The following HSD17B12 variants were observed in gnomAD, a reference collection of about 807,000 sequenced individuals.
HSD17B12 encodes the protein very-long-chain 3-oxoacyl-CoA reductase.
In HSD17B12, 32 loss-of-function variants were observed where a neutral mutation model predicts 39.3. The observed-to-expected ratio is 0.81, with a 90% CI of 0.61 to 1.09. The LOEUF (loss-of-function observed/expected upper bound fraction) is 1.09, where lower values mean the gene tolerates loss of function less well. Among genes scored for constraint, HSD17B12 ranks in the 50% least tolerant of loss-of-function variants. The pLI is 0.00. For missense variants in HSD17B12, 342 were observed against 382.9 expected, an observed-to-expected ratio of 0.89 and a Z score of 0.89; for synonymous variants, 150 against 146.7, an observed-to-expected ratio of 1.02 and a Z score of -0.16.
the HSD17B12 span, among the ~76,000 whole-genome samples, chr11:43,622,057 T>C: frequency 6.6e-6 from 1 of 152,208 alleles, no homozygotes; most frequent in Non-Finnish European, 1.5e-5. Flanking sequence ...GAATCGGCTA[T>C]GTAGCTGATG....
At chr11:43,780,743 A>G (rs758395609) in intron 3 of HSD17B12, among the ~76,000 whole-genome samples, 1 of 152,030 alleles carries the variant, frequency 6.6e-6, no homozygotes, top group Non-Finnish European at 1.5e-5. Flanking sequence ...TTAATGCATT[A>G]CTCACATTCT....
At chr11:43,631,953 T>A in the HSD17B12 span, among the ~76,000 whole-genome samples, 12 of 152,226 alleles carry the variant, frequency 7.9e-5, no homozygotes, top group Admixed American at 7.8e-4. Flanking sequence ...ACACCTGGGT[T>A]GGAGAGGGCT....
chr11:43,710,309 G>T (rs754391723), intron 1 of HSD17B12, among the ~76,000 whole-genome samples: 2 of 152,066 alleles, frequency 1.3e-5, no homozygotes, highest in Non-Finnish European at 2.9e-5. Context: ...TAAAATTTAG[G>T]CACATACAGG....
chr11:43,712,026 A>G (rs1010425819), intron 1 of HSD17B12, among the ~76,000 whole-genome samples: 1 of 152,190 alleles, frequency 6.6e-6, no homozygotes, highest in African/African-American at 2.4e-5. Flanking sequence ...GACATGCCTC[A>G]TTATACCCCT....
chr11:43,605,021 G>A, the HSD17B12 span, among the ~76,000 whole-genome samples: 2 of 152,192 alleles, frequency 1.3e-5, no homozygotes, highest in African/African-American at 4.8e-5. Flanking sequence ...GAGCTGCTAT[G>A]TATGGAAAAC....
intron 1 of HSD17B12, among the ~76,000 whole-genome samples, chr11:43,715,640 A>G (rs1368655177): frequency 6.6e-6 from 1 of 152,106 alleles, no homozygotes; most frequent in African/African-American, 2.4e-5. Context: ...CTGGCCTCAT[A>G]AAATGAGTTA....
chr11:43,636,749 T>C, the HSD17B12 span, among the ~76,000 whole-genome samples: 1 of 152,224 alleles, frequency 6.6e-6, no homozygotes, highest in Admixed American at 6.5e-5. Flanking sequence ...CACAACTCTA[T>C]AGATATTCTT....
chr11:43,693,927 A>C (rs1470038197), intron 1 of HSD17B12, among the ~76,000 whole-genome samples: 2 of 152,224 alleles, frequency 1.3e-5, no homozygotes, highest in Non-Finnish European at 2.9e-5. Flanking sequence ...GCCGTGGAAC[A>C]GGAAGCTACT....
At chr11:43,654,492 T>C in the HSD17B12 span, among the ~76,000 whole-genome samples, 3 of 152,112 alleles carry the variant, frequency 2.0e-5, no homozygotes. Flanking sequence ...CTGAATGGTA[T>C]TGCCTAGGTT....
intron 1 of HSD17B12, among the ~76,000 whole-genome samples, chr11:43,731,334 C>A (rs965614926): frequency 1.3e-5 from 2 of 152,162 alleles, no homozygotes; most frequent in African/African-American, 4.8e-5. Flanking sequence ...TGAAATAAGT[C>A]AAATAATCTA....
intron 3 of HSD17B12, among the ~76,000 whole-genome samples, chr11:43,758,688 G>A (rs959247422): frequency 6.6e-6 from 1 of 152,110 alleles, no homozygotes; most frequent in African/African-American, 2.4e-5. Context: ...TATTCTATAA[G>A]TGCTCCAGTA....
At chr11:43,814,353 A>T (rs541784530) in intron 4 of HSD17B12, among the ~76,000 whole-genome samples, 1 of 152,248 alleles carries the variant, frequency 6.6e-6, no homozygotes, top group South Asian at 2.1e-4. Context: ...TAATAATAGG[A>T]ACTACCTAAT....
In HSD17B12 at chr11:43,680,789, CTT is replaced by C. The variant is rs764521328; in HGVS notation, c.-36_-35del. The C allele has an allele frequency of 1.9e-5, 30 of 1,572,514 alleles. No individual in the cohort carries two copies. The highest frequency in any genetic ancestry group is 2.4e-5 in the Non-Finnish European group (27 of 1,142,374). On this transcript the variant is annotated 5_prime_UTR_variant, in exon 1 of 11. Transcript: ENST00000278353. The stretch of plus-strand genomic sequence containing the variant: ...CTCCTCCTGGATTCATTCACTCGCT[CTT>C]TTCATTCACGAAGGTAGTGAGGCCT...
the HSD17B12 span, among the ~76,000 whole-genome samples, chr11:43,590,341 C>A: frequency 6.7e-6 from 1 of 148,868 alleles, no homozygotes; most frequent in Non-Finnish European, 1.5e-5. Flanking sequence ...AATGACATTG[C>A]ACCTTAAAAT....
chr11:43,752,599 A>G (rs964267346), intron 2 of HSD17B12, among the ~76,000 whole-genome samples: 8 of 152,054 alleles, frequency 5.3e-5, no homozygotes, highest in African/African-American at 1.9e-4. Flanking sequence ...TTGTAATCCC[A>G]GCTACTCAGG....
At chr11:43,702,510 G>A (rs2902379) in intron 1 of HSD17B12, among the ~76,000 whole-genome samples, 135,558 of 152,260 alleles carry the variant, frequency 0.89, 60,856 homozygotes, top group East Asian at 0.98. Flanking sequence ...GAAGGTTTTT[G>A]TCATGAAGGG....
the HSD17B12 span, chr11:43,673,161 T>G: frequency 6.6e-6 from 1 of 152,204 alleles, no homozygotes; most frequent in African/African-American, 2.4e-5. Flanking sequence ...AATTCCTCGC[T>G]TCTATGAAAC....
intron 1 of HSD17B12, among the ~76,000 whole-genome samples, chr11:43,712,155 G>A (rs1185929935): frequency 6.6e-5 from 10 of 152,268 alleles, no homozygotes; most frequent in African/African-American, 9.6e-5. Context: ...TCAGCCTGGC[G>A]CAGTGGCTCA....
Position 43,792,685 on chromosome 11 carries a change from T to G in HSD17B12, c.284-5635T>G, listed in dbSNP as rs946098977. ...CTGAATTGTCTCTCAATGTAACCTTTTTTTTTTTTTTTTTTTTTTGAGAGC... is the reference window on the plus strand; with the variant it reads ...CTGAATTGTCTCTCAATGTAACCTTGTTTTTTTTTTTTTTTTTTTGAGAGC... On this transcript the variant is annotated intron_variant, in intron 3 of 10. Coordinates refer to ENST00000278353, the MANE Select transcript of HSD17B12 (RefSeq NM_016142.3). Among the ~76,000 whole-genome samples, 411 of 142,378 alleles carry G rather than the reference T, an allele frequency of 2.9e-3. 2 individuals are homozygous for G. The highest frequency in any genetic ancestry group is 5.3e-3 in the Non-Finnish European group (343 of 65,124). 93.4% of individuals were successfully genotyped at this position (142,378 alleles called of 152,430 possible). A position where few individuals can be genotyped will look rare whatever the true frequency, so the allele number is the denominator to read the frequency against.
Sources: allele counts gnomAD v4.1 joint callset (sites outside exome capture counted in the v4.1 genomes callset), GRCh38; gene constraint gnomAD v4.1.1; transcripts MANE v1.5; gene names NCBI Gene and HGNC (gene_info 2026-07-23, HGNC 2026-07-21).